The following DCLK3 variants were observed in gnomAD, a reference collection of about 807,000 sequenced individuals.
DCLK3 encodes the protein serine/threonine-protein kinase DCLK3.
DCLK3 carries 30 observed loss-of-function variants against 46.4 expected under a neutral mutation model. The observed-to-expected ratio is 0.65, with a 90% CI of 0.48 to 0.88. The LOEUF is 0.88. Ranked by LOEUF, DCLK3 falls within the 40% of genes least tolerant of loss-of-function variation. The pLI, the probability that DCLK3 is intolerant of heterozygous loss-of-function variation, is 0.00. For synonymous variants in DCLK3, 401 were observed against 339.2 expected (o/e 1.18, Z -2.00); for missense variants, 846 against 907.1 (o/e 0.93, Z 0.87).
chr3:36,735,212 C>A (rs772591919), intron 2 of DCLK3, among the ~76,000 whole-genome samples: 1 of 152,186 alleles, frequency 6.6e-6, no homozygotes, highest in African/African-American at 2.4e-5. Context: ...TGCTCTGTTG[C>A]AATTGCAAAG....
Position 36,714,639 on chromosome 3 carries a change from G to T in DCLK3, c.*689C>A, listed in dbSNP as rs1421050453. On this transcript the variant is annotated 3_prime_UTR_variant, in exon 5 of 5. Transcript: ENST00000636136. ...TGACTCAGGCTCAGGGATAATTGGGGCTGAAAAGCAGTATAACGGTATTGC... is the reference window on the plus strand; with the variant it reads ...TGACTCAGGCTCAGGGATAATTGGGTCTGAAAAGCAGTATAACGGTATTGC... 2.0e-5 allele frequency: 3 copies of T among 152,178 alleles called. No homozygotes were observed. Among genetic ancestry groups the T allele is most frequent in the African/African-American group, 7.2e-5 (3 of 41,426 alleles). 9.4% of individuals were successfully genotyped at this position (152,178 alleles called of 1,614,324 possible).
At position 36,738,396 on chromosome 3, in the gene DCLK3, T is replaced by C. The variant is rs1174277647; in HGVS notation, c.771A>G (p.Arg257=). 1.3e-6 allele frequency: 2 copies of C among 1,495,032 alleles called. No homozygotes were observed. Among genetic ancestry groups the C allele is most frequent in the Non-Finnish European group, 1.8e-6 (2 of 1,125,242 alleles). 92.6% of individuals were successfully genotyped at this position (1,495,032 alleles called of 1,614,324 possible). Reference sequence around the variant, plus strand: ...TCCCCCACTTCTTCTGGGTCCTCGCTCTGTCATCTAGTGAAAGCTCCTCGG... The same window carrying C: ...TCCCCCACTTCTTCTGGGTCCTCGCCCTGTCATCTAGTGAAAGCTCCTCGG... ...KIPEELSLDD[R]ARTQKKWGRG... The change falls in exon 2 of 5, where the codon AGA becomes AGG. Residue 257 remains arginine (R), a synonymous_variant. Transcript: ENST00000636136.
chr3:36,721,362 C>T (rs1374847794), intron 3 of DCLK3, among the ~76,000 whole-genome samples, 165 bp downstream of exon 3: 1 of 152,190 alleles, frequency 6.6e-6, no homozygotes, highest in African/African-American at 2.4e-5. Context: ...AGAAAGCTCT[C>T]ATGCTTTGGT....
Position 36,764,060 on chromosome 3 carries a change from G to T in DCLK3, c.82+122C>A. 1 of 211,850 alleles carries T rather than the reference G, an allele frequency of 4.7e-6. No individual in the cohort carries two copies. Among genetic ancestry groups the T allele is most frequent in the South Asian group, 1.7e-4 (1 of 5,778 alleles). The allele number at this position is 211,850 out of a possible 1,614,324, so 13.1% of individuals were successfully genotyped here. A position where few individuals can be genotyped will look rare whatever the true frequency, so the allele number is the denominator to read the frequency against. On this transcript the variant is annotated intron_variant, in intron 1 of 4. Coordinates refer to ENST00000636136, the MANE Select transcript of DCLK3 (RefSeq NM_001394672.2). The surrounding 1 kb of genome is among the most constrained non-coding windows in gnomAD (Gnocchi z 4.9). ...CACACAGTCCTCCGTACACCCACGCGGGGTCTGGCACTGCTGCTACATCCC... is the reference window on the plus strand; with the variant it reads ...CACACAGTCCTCCGTACACCCACGCTGGGTCTGGCACTGCTGCTACATCCC...
rs144101279 is a variant in DCLK3, at chr3:36,732,488, G to C, written c.1959+4720C>G. 3.9e-3 allele frequency among the ~76,000 whole-genome samples: 601 copies of C among 152,250 alleles called. 3 individuals are homozygous for C. Among genetic ancestry groups the C allele is most frequent in the African/African-American group, 0.014 (566 of 41,546 alleles). ...TACAGTCATAACTGCAATGATTTCTGACAAGAATATACCCCGCAGTTCTCC... is the reference window on the plus strand; with the variant it reads ...TACAGTCATAACTGCAATGATTTCTCACAAGAATATACCCCGCAGTTCTCC... On this transcript the variant is annotated intron_variant, in intron 2 of 4. Coordinates refer to ENST00000636136, the MANE Select transcript of DCLK3 (RefSeq NM_001394672.2).
intron 2 of DCLK3, among the ~76,000 whole-genome samples, chr3:36,728,762 C>T (rs1049445141): frequency 6.6e-6 from 1 of 152,184 alleles, no homozygotes; most frequent in Non-Finnish European, 1.5e-5. Flanking sequence ...CCCTCTCATA[C>T]ATCTCTATAA....
rs915388594 is a variant in DCLK3, at chr3:36,722,521, G to A, written c.1960-862C>T. 3.3e-5 allele frequency among the ~76,000 whole-genome samples: 5 copies of A among 152,270 alleles called. No individual in the cohort carries two copies. The East Asian group carries it at 7.7e-4, about 24-fold the overall frequency. On this transcript the variant is annotated intron_variant, in intron 2 of 4. Transcript: ENST00000636136. ...TGCACCTAGTATGTACCCTGATATG[G>A]TTTGGCTGTGTCCCTACCCAAATCT... is the stretch of plus-strand genomic sequence containing the variant.
At chr3:36,757,824 G>GTCA (rs139784006) in intron 1 of DCLK3, among the ~76,000 whole-genome samples, 1,945 of 152,162 alleles carry the variant, frequency 0.013, 17 homozygotes, top group Non-Finnish European at 0.02. Flanking sequence ...AAGACCAAGA[G>GTCA]TCATCCCTGA....
chr3:36,738,040 G>C lies in DCLK3; in HGVS notation c.1127C>G (p.Pro376Arg). 2 of 1,613,888 alleles carry C rather than the reference G, an allele frequency of 1.2e-6. No individual in the cohort carries two copies. The highest frequency in any genetic ancestry group is 1.7e-6 in the Non-Finnish European group (2 of 1,179,948). Residue 376 changes from proline to arginine, a missense_variant, in exon 2 of 5, where the codon CCC becomes CGC. Transcript: ENST00000636136. ...CCTCAGCTCTTGAGTGGGATTCCTG[G>C]GGCTGCTCCTGTGGCTGTCACCCTT... ...GWKGDSHRSS[P>R]RNPTQELRRP...
rs537884828 is a variant in DCLK3, at chr3:36,738,334, G to C, written c.833C>G (p.Pro278Arg). ...KWEPEPSSKP[P>R]REATLEERHA... ...CCTCTCTTCCAGAGTGGCTTCCCTG[G>C]GGGGCTTGCTACTGGGTTCTGGCTC... Residue 278 changes from proline to arginine, a missense_variant, in exon 2 of 5, where the codon CCC (proline) becomes CGC (arginine). This residue lies in a region of DCLK3 where 553 missense variants were observed against 543.0 expected (regional missense o/e 1.02). Transcript: ENST00000636136. 2 of 1,507,012 alleles carry C rather than the reference G, an allele frequency of 1.3e-6. No individual in the cohort carries two copies. Among genetic ancestry groups the C allele is most frequent in the Admixed American group, 2.4e-5 (1 of 42,404 alleles). 93.4% of individuals were successfully genotyped at this position (1,507,012 alleles called of 1,614,324 possible). A position where few individuals can be genotyped will look rare whatever the true frequency, so the allele number is the denominator to read the frequency against.
chr3:36,749,864 T>A (rs1701424281), intron 1 of DCLK3, among the ~76,000 whole-genome samples: 1 of 152,194 alleles, frequency 6.6e-6, no homozygotes, highest in African/African-American at 2.4e-5. Context: ...TAGCCTTCAT[T>A]CATATTCAGG....
intron 1 of DCLK3, among the ~76,000 whole-genome samples, chr3:36,743,424 C>G (rs1363902925): frequency 6.6e-6 from 1 of 152,054 alleles, no homozygotes; most frequent in Non-Finnish European, 1.5e-5. Flanking sequence ...TATTCTGTCC[C>G]TATATCAACA....
At chr3:36,742,736 C>A (rs980460246) in intron 1 of DCLK3, among the ~76,000 whole-genome samples, 1 of 152,154 alleles carries the variant, frequency 6.6e-6, no homozygotes, top group Non-Finnish European at 1.5e-5. Flanking sequence ...TAGTCTAGAG[C>A]AAAATTTTCT....
rs1701007029 is a variant in DCLK3 at position 36,718,047 on chromosome 3, A to G, written c.2223T>C (p.Phe741=). The G allele has an allele frequency of 6.2e-7, 1 of 1,614,164 alleles. No individual in the cohort carries two copies. The highest frequency in any genetic ancestry group is 8.5e-7 in the Non-Finnish European group (1 of 1,180,018). Residue 741 remains phenylalanine (F), a synonymous_variant, in exon 4 of 5, where the codon TTT becomes TTC. Coordinates refer to ENST00000636136, the MANE Select transcript of DCLK3 (RefSeq NM_001394672.2). ...ELFNIIQLGH[F]EFLPPYWDNI... is the part of the protein sequence containing the mutation. The stretch of plus-strand genomic sequence containing the variant: ...TGTCCCAGTAAGGGGGGAGGAACTC[A>G]AAGTGGCCCAGCTGGATGATGTTAA...
chr3:36,752,202 A>G (rs1434155475), intron 1 of DCLK3, among the ~76,000 whole-genome samples: 2 of 152,248 alleles, frequency 1.3e-5, no homozygotes, highest in Non-Finnish European at 2.9e-5. Flanking sequence ...ACTGATGGAC[A>G]GGGGTGTGGG....
In DCLK3 at chr3:36,718,472, T is replaced by C. The variant is rs576105908; in HGVS notation, c.2093-295A>G. ...GAAAGCAAGTGTTTGGAAACTCTTA[T>C]AGCAATTTAACAAGACTGTGACGCT... is the stretch of plus-strand genomic sequence containing the variant. On this transcript the variant is annotated intron_variant, in intron 3 of 4. Coordinates refer to ENST00000636136, the MANE Select transcript of DCLK3 (RefSeq NM_001394672.2). 1.4e-4 allele frequency among the ~76,000 whole-genome samples: 21 copies of C among 152,362 alleles called. No individual in the cohort carries two copies. The East Asian group carries it at 3.5e-3, about 25-fold the overall frequency.
intron 1 of DCLK3, among the ~76,000 whole-genome samples, chr3:36,749,485 A>C (rs1383502588): frequency 6.6e-6 from 1 of 152,240 alleles, no homozygotes; most frequent in African/African-American, 2.4e-5. Context: ...TTCTAAAAGC[A>C]TACTCCATCT....
chr3:36,760,488 AG>A (rs1049644907), intron 1 of DCLK3, among the ~76,000 whole-genome samples: 11 of 109,632 alleles, frequency 1.0e-4, no homozygotes, highest in East Asian at 8.2e-4. Context: ...GGGTTGGGGG[AG>A]GGGGGAGGGA....
chr3:36,738,534 C>A lies in DCLK3; in HGVS notation c.633G>T (p.Arg211Ser), dbSNP rs376182211. Residue 211 changes from arginine (R) to serine (S), a missense_variant, in exon 2 of 5, where the codon AGG (arginine) becomes AGT (serine). Around this residue, in one of 3 missense-constraint regions of DCLK3, gnomAD observed 553 missense variants for 543.0 expected, o/e 1.02. Transcript: ENST00000636136. ...SRAPSPRLRS[R>S]LFSKALKGDH... ...CTCCTTTCAGAGCCTTGCTAAACAG[C>A]CTGCTCCTCAGCCTTGGAGAAGGGG... The A allele has an allele frequency of 2.0e-6, 3 of 1,510,158 alleles. No homozygotes were observed. The highest frequency in any genetic ancestry group is 2.7e-5 in the South Asian group (2 of 73,672). 93.5% of individuals were successfully genotyped at this position (1,510,158 alleles called of 1,614,324 possible).
Sources: allele counts gnomAD v4.1 joint callset (sites outside exome capture counted in the v4.1 genomes callset), GRCh38; gene constraint gnomAD v4.1.1; regional missense constraint gnomAD v4.1.1; non-coding constraint Gnocchi (gnomAD v3.1); transcripts MANE v1.5; gene names NCBI Gene and HGNC (gene_info 2026-07-23, HGNC 2026-07-21).